Variants in KIAA1671 observed in about 807,000 individuals in gnomAD.
KIAA1671 encodes the protein KIAA1671.
In KIAA1671, 52 loss-of-function variants were observed where a neutral mutation model predicts 131.2. That is an observed-to-expected ratio of 0.40 (90% CI 0.32 to 0.50). The LOEUF (loss-of-function observed/expected upper bound fraction) is 0.50. KIAA1671 is among the 20% of genes least tolerant of loss of function. The probability of loss-of-function intolerance (pLI) is 0.73; values close to 1 mark genes in which losing one functional copy is unlikely to be tolerated. For synonymous variants in KIAA1671, 1,003 were observed against 961.6 expected (o/e 1.04, Z -0.80); for missense variants, 2,360 against 2,364.2 (o/e 1.00, Z 0.04).
At chr22:24,995,781 T>C (rs1924101956) in intron 1 of KIAA1671, among the ~76,000 whole-genome samples, 1 of 152,236 alleles carries the variant, frequency 6.6e-6, no homozygotes, top group Non-Finnish European at 1.5e-5. Context: ...CACAAAAGCA[T>C]GTGAAGTACC....
intron 6 of KIAA1671, among the ~76,000 whole-genome samples, chr22:25,097,604 A>G (rs1032519870): frequency 6.6e-6 from 1 of 152,076 alleles, no homozygotes; most frequent in African/African-American, 2.4e-5. Context: ...GCTGGGTGTG[A>G]TGGCGGGTGC....
chr22:24,955,151 TCTC>T (rs1921626709), intron 1 of KIAA1671, among the ~76,000 whole-genome samples: 1 of 152,198 alleles, frequency 6.6e-6, no homozygotes, highest in Non-Finnish European at 1.5e-5. Context: ...TCTGAGCATT[TCTC>T]CTCACCAGGC....
intron 6 of KIAA1671, among the ~76,000 whole-genome samples, chr22:25,121,185 G>A (rs183965342): frequency 6.6e-5 from 10 of 152,242 alleles, no homozygotes; most frequent in African/African-American, 2.4e-4. Flanking sequence ...TTAGTTGGCC[G>A]GGCGCGGTGG....
In KIAA1671 at chr22:25,195,742, T is replaced by G. The variant is rs1270389478; in HGVS notation, c.*3341T>G. On this transcript the variant is annotated 3_prime_UTR_variant, in exon 13 of 13. Coordinates refer to ENST00000358431, the MANE Select transcript of KIAA1671 (RefSeq NM_001145206.2). ...GTTGATCTATGCTTTAAAATTTTTC[T>G]TTATAATGCCCCCAGATGGCTCCTG... The G allele has an allele frequency of 6.6e-6, 1 of 152,136 alleles. No individual in the cohort carries two copies. The highest frequency in any genetic ancestry group is 1.5e-5 in the Non-Finnish European group (1 of 68,024). 9.4% of individuals were successfully genotyped at this position (152,136 alleles called of 1,614,324 possible).
At chr22:25,053,580 A>C (rs1366741586) in intron 6 of KIAA1671, 1 of 151,982 alleles carries the variant, frequency 6.6e-6, no homozygotes, top group Admixed American at 6.6e-5. Context: ...TCTTGAGTTT[A>C]TTTCTTTTTG....
chr22:25,061,398 G>C (rs756628908), intron 6 of KIAA1671: 1 of 152,174 alleles, frequency 6.6e-6, no homozygotes, highest in Non-Finnish European at 1.5e-5. Context: ...CTAGCCTCTA[G>C]TGCTGTAATT....
intron 6 of KIAA1671, among the ~76,000 whole-genome samples, chr22:25,084,234 T>C (rs920979909): frequency 6.6e-6 from 1 of 152,134 alleles, no homozygotes; most frequent in African/African-American, 2.4e-5. Context: ...CCCAGCACTT[T>C]GGGAGGCCGA....
intron 6 of KIAA1671, among the ~76,000 whole-genome samples, chr22:25,127,405 C>T (rs1932235188): frequency 6.6e-6 from 1 of 152,172 alleles, no homozygotes; most frequent in Admixed American, 6.5e-5. Flanking sequence ...GCCATTTTCT[C>T]TCCAGAGTGA....
At chr22:25,085,847 G>A (rs192290433) in intron 6 of KIAA1671, among the ~76,000 whole-genome samples, 69 of 152,188 alleles carry the variant, frequency 4.5e-4, no homozygotes, top group African/African-American at 1.4e-3. Flanking sequence ...AGATTCTCTC[G>A]TATGCACATC....
intron 10 of KIAA1671, among the ~76,000 whole-genome samples, chr22:25,184,075 G>T (rs1338420903): frequency 6.6e-6 from 1 of 152,228 alleles, no homozygotes; most frequent in African/African-American, 2.4e-5. Context: ...TCATTCATCA[G>T]TGTTAGCTTA....
intron 6 of KIAA1671, among the ~76,000 whole-genome samples, chr22:25,114,386 C>G (rs1931548848): frequency 6.6e-6 from 1 of 152,250 alleles, no homozygotes; most frequent in Non-Finnish European, 1.5e-5. Context: ...AATCTGCACA[C>G]TTGTGAATGC....
At chr22:25,147,999 CCTCA>C (rs61345135) in intron 6 of KIAA1671, among the ~76,000 whole-genome samples, 46,108 of 138,388 alleles carry the variant, frequency 0.33, 8,684 homozygotes, top group African/African-American at 0.56. Context: ...TCCCTCCCTA[CCTCA>C]CTCTCTCCCT....
rs560845401 is a variant in KIAA1671 at position 25,192,354 on chromosome 22, A to G, written c.*5-52A>G. 5 of 152,314 alleles carry G rather than the reference A, an allele frequency of 3.3e-5. No homozygotes were observed. In the East Asian group the frequency reaches 7.7e-4, roughly 24 times the overall value. The allele number at this position is 152,314 out of a possible 1,614,324, so 9.4% of individuals were successfully genotyped here. A position where few individuals can be genotyped will look rare whatever the true frequency, so the allele number is the denominator to read the frequency against. On this transcript the variant is annotated intron_variant, in intron 12 of 12. Coordinates refer to ENST00000358431, the MANE Select transcript of KIAA1671 (RefSeq NM_001145206.2). ...TTTTAAGGACTGAGGGTAGAGAGCA[A>G]TGGAGCCAAATGTTCCCACTGCTGA...
Position 25,174,518 on chromosome 22 carries a change from T to A in KIAA1671, c.4899+29T>A, listed in dbSNP as rs1006796397. 4 of 1,480,248 alleles carry A rather than the reference T, an allele frequency of 2.7e-6. No homozygotes were observed. The African/African-American group carries it at 4.2e-5, about 16-fold the overall frequency. 91.7% of individuals were successfully genotyped at this position (1,480,248 alleles called of 1,614,324 possible). On this transcript the variant is annotated intron_variant, in intron 8 of 12. Transcript: ENST00000358431. ...AGTCAGTGGCCAGGAGCATTTCTTC[T>A]TAAATGGAAATTCCAGCCTCTCTCT...
rs1276153240 is a variant in KIAA1671, at chr22:25,028,475, C to A, written c.476C>A (p.Ala159Glu). ...AAAAGCGGCCCCGCTCTGGGGAAGG[C>A]GGTTAGTGAGGGGGCGGAGGAGGCC... ...TTKSGPALGK[A>E]VSEGAEEAKL... The change falls in exon 3 of 13, where the codon GCG becomes GAG. Residue 159 changes from alanine (A) to glutamate (E), a missense_variant. This residue lies in a region of KIAA1671 where 1,185 missense variants were observed against 1,126.2 expected (regional missense o/e 1.05). Transcript: ENST00000358431. 8 of 1,549,918 alleles carry A rather than the reference C, an allele frequency of 5.2e-6. No homozygotes were observed. Among genetic ancestry groups the A allele is most frequent in the Middle Eastern group, 3.3e-4 (2 of 5,986 alleles).
chr22:25,065,703 G>A (rs562256025), intron 6 of KIAA1671, among the ~76,000 whole-genome samples: 56 of 150,094 alleles, frequency 3.7e-4, no homozygotes, highest in African/African-American at 1.2e-3. Context: ...GCAGTGGTGC[G>A]ATCTCGGCTT....
intron 1 of KIAA1671, among the ~76,000 whole-genome samples, chr22:25,001,183 GTGTGTATA>G (rs1246415296): frequency 4.4e-4 from 39 of 89,194 alleles, no homozygotes; most frequent in African/African-American, 2.2e-3. Flanking sequence ...GTATATATAC[GTGTGTATA>G]TATGTGTGTA....
intron 8 of KIAA1671, chr22:25,177,069 A>G: frequency 2.5e-6 from 1 of 402,562 alleles, no homozygotes. Context: ...AGGCATTTGT[A>G]TTATGTGCCT....
intron 9 of KIAA1671, among the ~76,000 whole-genome samples, chr22:25,178,724 C>T (rs1372737507): frequency 6.6e-6 from 1 of 152,170 alleles, no homozygotes; most frequent in African/African-American, 2.4e-5. Context: ...CCACCTCAGG[C>T]CGGGTGGTCT....
Sources: gnomAD v4.1 joint callset for allele counts (sites outside exome capture counted in the v4.1 genomes callset) on GRCh38, gnomAD v4.1.1 for gene constraint, gnomAD v4.1.1 regional missense constraint, MANE v1.5 for transcripts, NCBI Gene and HGNC (gene_info 2026-07-23, HGNC 2026-07-21) for gene names.